Variants in LTBP1 observed in about 807,000 individuals in gnomAD.
LTBP1 encodes the protein latent-transforming growth factor beta-binding protein 1.
LTBP1 carries 129 observed loss-of-function variants against 207.6 expected under a neutral mutation model. The observed-to-expected ratio is 0.62, with a 90% CI of 0.54 to 0.72. The LOEUF (loss-of-function observed/expected upper bound fraction) is 0.72, where lower values mean the gene tolerates loss of function less well. LTBP1 is among the 30% of genes least tolerant of loss of function. LTBP1 has a pLI of 0.00. For missense variants in LTBP1, 2,281 were observed against 2,217.2 expected (o/e 1.03, Z -0.58); for synonymous variants, 963 against 833.7 (o/e 1.16, Z -2.67).
At chr2:33,348,218 T>C (rs528248510) in intron 26 of LTBP1, among the ~76,000 whole-genome samples, 2 of 152,314 alleles carry the variant, frequency 1.3e-5, no homozygotes, top group South Asian at 2.1e-4. Flanking sequence ...TTTTTTTTTC[T>C]TTCTCAGTCA....
chr2:33,029,048 C>G (rs2075564787), intron 3 of LTBP1, among the ~76,000 whole-genome samples: 1 of 152,162 alleles, frequency 6.6e-6, no homozygotes, highest in Non-Finnish European at 1.5e-5. Flanking sequence ...TTCAGACAAA[C>G]TTTAATTATT....
chr2:33,245,712 A>G (rs1157362065), intron 10 of LTBP1, among the ~76,000 whole-genome samples: 1 of 152,258 alleles, frequency 6.6e-6, no homozygotes, highest in Admixed American at 6.5e-5. Context: ...TTTTTGGCTG[A>G]TTTGAATCAC....
At position 33,301,513 on chromosome 2, in the gene LTBP1, T is replaced by C; in HGVS notation, c.3359-9T>C. 6.3e-7 allele frequency: 1 copy of C among 1,583,760 alleles called. No individual in the cohort carries two copies. The highest frequency in any genetic ancestry group is 8.6e-7 in the Non-Finnish European group (1 of 1,168,466). The stretch of plus-strand genomic sequence containing the variant: ...CTTCCACAGTTTCTTTGTATTCTCT[T>C]GCTCATAGACATTGATGAATGCCAG... On this transcript the variant is annotated splice_polypyrimidine_tract_variant and intron_variant, in intron 21 of 33. Coordinates refer to ENST00000404816, the MANE Select transcript of LTBP1 (RefSeq NM_206943.4).
intron 15 of LTBP1, among the ~76,000 whole-genome samples, chr2:33,271,487 C>A (rs1003499453): frequency 6.6e-6 from 1 of 152,036 alleles, no homozygotes; most frequent in Non-Finnish European, 1.5e-5. Flanking sequence ...TAAAAAATTC[C>A]TATAAACAGA....
At chr2:32,963,772 C>T (rs1199012909) in intron 2 of LTBP1, among the ~76,000 whole-genome samples, 2 of 152,110 alleles carry the variant, frequency 1.3e-5, no homozygotes, top group Non-Finnish European at 2.9e-5. Context: ...GGGACTTTCC[C>T]ACACACCTAC....
At chr2:33,110,494 C>A in intron 3 of LTBP1, 88 bp from the exon 4 acceptor site, 1 of 1,213,454 alleles carries the variant, frequency 8.2e-7, no homozygotes, top group Non-Finnish European at 1.2e-6. Context: ...CTCCTTTCTA[C>A]ATTTAACTCG....
chr2:32,948,597 G>A (rs1300980111), intron 1 of LTBP1, among the ~76,000 whole-genome samples: 1 of 152,154 alleles, frequency 6.6e-6, no homozygotes, highest in African/African-American at 2.4e-5. Flanking sequence ...GTAATTTGGG[G>A]GTAAGAAAAC....
chr2:33,355,655 TCCCC>T (rs1034070649), intron 26 of LTBP1, among the ~76,000 whole-genome samples: 2 of 152,114 alleles, frequency 1.3e-5, no homozygotes, highest in African/African-American at 4.8e-5. Flanking sequence ...TCATTTTTCT[TCCCC>T]CTGCTTTTCC....
chr2:33,161,881 C>A (rs2084500029), intron 5 of LTBP1, among the ~76,000 whole-genome samples: 1 of 152,152 alleles, frequency 6.6e-6, no homozygotes, highest in African/African-American at 2.4e-5. Flanking sequence ...ATGAGAAATA[C>A]AGTTCTCATT....
chr2:33,070,072 G>GATGTGT (rs2077714084), intron 3 of LTBP1, among the ~76,000 whole-genome samples: 1 of 152,152 alleles, frequency 6.6e-6, no homozygotes, highest in Non-Finnish European at 1.5e-5. Flanking sequence ...TTGACTCAGC[G>GATGTGT]ATGTGTCACA....
At chr2:32,971,770 TTG>T (rs1680919562) in intron 2 of LTBP1, among the ~76,000 whole-genome samples, 1 of 152,138 alleles carries the variant, frequency 6.6e-6, no homozygotes, top group African/African-American at 2.4e-5. Context: ...TGGTTTCTGT[TTG>T]TGTGTCTCTG....
At chr2:33,387,022 G>T (rs955524870) in intron 31 of LTBP1, among the ~76,000 whole-genome samples, 1 of 151,986 alleles carries the variant, frequency 6.6e-6, no homozygotes, top group Non-Finnish European at 1.5e-5. Context: ...TAGAGACAGG[G>T]TTTCACCATG....
At chr2:33,237,079 A>C (rs971349267) in intron 9 of LTBP1, among the ~76,000 whole-genome samples, 6 of 152,168 alleles carry the variant, frequency 3.9e-5, no homozygotes, top group Non-Finnish European at 8.8e-5. Context: ...ATAGAAGCAA[A>C]TATAATCACG....
At chr2:33,295,163 A>T (rs2093850451) in intron 20 of LTBP1, among the ~76,000 whole-genome samples, 2 of 152,058 alleles carry the variant, frequency 1.3e-5, no homozygotes, top group African/African-American at 4.8e-5. Context: ...TGTTTTTAAA[A>T]TTTCCATTAA....
At chr2:33,186,718 CCT>C (rs1343783044) in intron 5 of LTBP1, 136 bp from the exon 6 acceptor site, 2 of 651,256 alleles carry the variant, frequency 3.1e-6, no homozygotes, top group Non-Finnish European at 5.4e-6. Context: ...CGAGTTTACT[CCT>C]CTGTTTACCA....
intron 2 of LTBP1, among the ~76,000 whole-genome samples, chr2:33,014,356 GCAGA>G (rs1183683997): frequency 6.6e-6 from 1 of 152,122 alleles, no homozygotes; most frequent in Non-Finnish European, 1.5e-5. Context: ...CAAGGAGCAA[GCAGA>G]CAGAGTAGAC....
chr2:33,325,305 G>A (rs1026095649), intron 24 of LTBP1, among the ~76,000 whole-genome samples: 1 of 152,086 alleles, frequency 6.6e-6, no homozygotes, highest in African/African-American at 2.4e-5. Context: ...TTTGAATATA[G>A]AAAGAGAAAA....
At chr2:33,149,882 G>A (rs115872966) in intron 5 of LTBP1, among the ~76,000 whole-genome samples, 2,120 of 152,240 alleles carry the variant, frequency 0.014, 22 homozygotes, top group Non-Finnish European at 0.021. Flanking sequence ...TTGAACGATA[G>A]CATCATCACA....
At chr2:33,178,619 G>T (rs900397932) in intron 5 of LTBP1, among the ~76,000 whole-genome samples, 2 of 152,138 alleles carry the variant, frequency 1.3e-5, no homozygotes, top group African/African-American at 4.8e-5. Context: ...TGATATACCT[G>T]GTATTTGATA....
Sources: allele counts gnomAD v4.1 joint callset (sites outside exome capture counted in the v4.1 genomes callset), GRCh38; gene constraint gnomAD v4.1.1; transcripts MANE v1.5; gene names NCBI Gene and HGNC (gene_info 2026-07-23, HGNC 2026-07-21).